The following ASAH1 variants were observed in gnomAD, a reference collection of about 807,000 sequenced individuals.
ASAH1 encodes acid ceramidase.
ASAH1 carries 70 observed loss-of-function variants against 59.5 expected under a neutral mutation model. The ratio of observed to expected loss-of-function variants is 1.18; its 90% CI spans 0.97 to 1.43. ASAH1 has a LOEUF of 1.43. Among genes scored for constraint, ASAH1 ranks in the 40% most tolerant of loss-of-function variants. The probability of loss-of-function intolerance (pLI) is 0.00; values close to 1 mark genes in which losing one functional copy is unlikely to be tolerated. For missense variants in ASAH1, 660 were observed against 482.5 expected, an observed-to-expected ratio of 1.37 and a Z score of -3.45; for synonymous variants, 213 against 166.5, an observed-to-expected ratio of 1.28 and a Z score of -2.15.
intron 2 of ASAH1, among the ~76,000 whole-genome samples, chr8:18,073,047 G>A (rs1024646914): frequency 6.6e-6 from 1 of 152,140 alleles, no homozygotes; most frequent in African/African-American, 2.4e-5. Flanking sequence ...CAATGAAGTG[G>A]GGATGATGAG....
chr8:18,069,477 G>GA (rs1459916405), intron 4 of ASAH1: 12 of 263,738 alleles, frequency 4.5e-5, no homozygotes, highest in Admixed American at 5.3e-5. Flanking sequence ...AGACACTTAA[G>GA]AAAAAAAACC....
Position 18,071,374 on chromosome 8 carries a change from G to T in ASAH1, c.142C>A (p.Pro48Thr), listed in dbSNP as rs779356185. ...AAGTCAAGATTTATGGTGTACCATG[G>T]AACTGCACCTCTGTACCTGTAATGA... ...PSGPTYRGAV[P>T]WYTINLDLPP... The change falls in exon 3 of 14, where the codon CCA becomes ACA. Residue 48 changes from proline (P) to threonine (T), a missense_variant. Pro to Thr is a conservative substitution (Grantham distance 38). Transcript: ENST00000637790. 6.3e-7 allele frequency: 1 copy of T among 1,596,522 alleles called. No homozygotes were observed. Among genetic ancestry groups the T allele is most frequent in the South Asian group, 1.1e-5 (1 of 89,054 alleles).
chr8:18,078,211 A>G (rs1005564206), intron 1 of ASAH1, among the ~76,000 whole-genome samples: 1 of 152,192 alleles, frequency 6.6e-6, no homozygotes, highest in Non-Finnish European at 1.5e-5. Flanking sequence ...CTGGGTTCCA[A>G]AGCCAAAATA....
Position 18,061,389 on chromosome 8 carries a change from T to A in ASAH1, c.773A>T (p.Glu258Val). The stretch of plus-strand genomic sequence containing the variant: ...CGAAACACTTTACCTTGTGCTATTT[T>A]CCAGAACTGTTCTAGTGAGGAACCC... ...WIGFLTRTVL[E>V]NSTSYEEAKN... is the part of the protein sequence containing the mutation. The change falls in exon 10 of 14, where the codon GAA becomes GTA. Residue 258 changes from glutamate to valine, a missense_variant. Physicochemically the swap from Glu to Val is moderately radical, Grantham distance 121. Coordinates refer to ENST00000637790, the MANE Select transcript of ASAH1 (RefSeq NM_177924.5). The A allele has an allele frequency of 6.2e-7, 1 of 1,611,594 alleles. No individual in the cohort carries two copies. The highest frequency in any genetic ancestry group is 1.7e-5 in the Admixed American group (1 of 60,024).
At chr8:18,059,275 A>G in intron 12 of ASAH1, 66 bp downstream of exon 12, 1 of 1,610,628 alleles carries the variant, frequency 6.2e-7, no homozygotes, top group South Asian at 1.1e-5. Flanking sequence ...GCCAAAGAAA[A>G]ATGCCAGAAC....
chr8:18,071,211 CAA>C, intron 3 of ASAH1, 87 bp downstream of exon 3: 8 of 697,404 alleles, frequency 1.1e-5, no homozygotes, highest in East Asian at 5.3e-5. Context: ...TGTCTCAAAA[CAA>C]AAAAAAAATC....
intron 1 of ASAH1, among the ~76,000 whole-genome samples, chr8:18,078,578 C>A (rs1800512375): frequency 6.6e-6 from 1 of 152,038 alleles, no homozygotes; most frequent in Non-Finnish European, 1.5e-5. Flanking sequence ...CTTCCTCCCC[C>A]TCAAAAAAGA....
intron 6 of ASAH1, chr8:18,063,435 T>G: frequency 1.8e-6 from 1 of 569,200 alleles, no homozygotes; most frequent in South Asian, 2.0e-5. Flanking sequence ...TTCCACGTAG[T>G]TGGGATTACA....
intron 5 of ASAH1, chr8:18,064,745 G>A (rs932099319): frequency 1.4e-4 from 73 of 535,608 alleles, no homozygotes; most frequent in South Asian, 2.3e-4. Flanking sequence ...GCCTTCGGGC[G>A]AGCTGAACAT....
At chr8:18,081,393 T>C (rs532247318) in intron 1 of ASAH1, among the ~76,000 whole-genome samples, 1 of 152,300 alleles carries the variant, frequency 6.6e-6, no homozygotes, top group South Asian at 2.1e-4. Context: ...AGACTCATCT[T>C]TTTAAAGTGA....
upstream of ASAH1, chr8:18,084,889 G>T: frequency 2.6e-6 from 4 of 1,549,866 alleles, no homozygotes; most frequent in South Asian, 1.2e-5. Flanking sequence ...CGAGTAGCTC[G>T]GCAGGGGGAC....
In ASAH1 at chr8:18,064,441, C is replaced by G; in HGVS notation, c.457+16G>C. On this transcript the variant is annotated intron_variant, in intron 6 of 13. Transcript: ENST00000637790. ...TAGTGCTTCATGCTGCCCACCCTCC[C>G]TCAGCGCACAATTACCTTTTTTGTC... 1 of 1,547,330 alleles carries G rather than the reference C, an allele frequency of 6.5e-7. No homozygotes were observed. The highest frequency in any genetic ancestry group is 8.9e-7 in the Non-Finnish European group (1 of 1,121,768).
intron 4 of ASAH1, chr8:18,069,550 T>G: frequency 2.3e-6 from 1 of 429,448 alleles, no homozygotes; most frequent in Admixed American, 4.0e-5. Flanking sequence ...AGATGAAATA[T>G]GGTTATTTGC....
intron 8 of ASAH1, chr8:18,062,036 T>C (rs1799725398): frequency 1.6e-6 from 1 of 625,606 alleles, no homozygotes; most frequent in South Asian, 2.0e-5. Context: ...AATCAGATTG[T>C]GACTCCCAGC....
chr8:18,083,420 G>A (rs1460785168), intron 1 of ASAH1: 1 of 156,524 alleles, frequency 6.4e-6, no homozygotes, highest in Non-Finnish European at 1.4e-5. Context: ...ACTTGCTCGT[G>A]GGAAAGAGCC....
intron 1 of ASAH1, among the ~76,000 whole-genome samples, chr8:18,081,266 AT>A (rs1800641189): frequency 6.6e-6 from 1 of 151,710 alleles, no homozygotes; most frequent in African/African-American, 2.4e-5. Flanking sequence ...CGCCCTCCTG[AT>A]TTTTTTCTAG....
Position 18,058,816 on chromosome 8 carries a change from C to T in ASAH1, c.1098+19G>A, listed in dbSNP as rs190476632. ...ATTCTTTCCCTAAAAGGCAAATATACATATAACATTTAAAATACCTTGTTG... is the reference window on the plus strand; with the variant it reads ...ATTCTTTCCCTAAAAGGCAAATATATATATAACATTTAAAATACCTTGTTG... On this transcript the variant is annotated intron_variant, in intron 13 of 13. Transcript: ENST00000637790. 6.3e-7 allele frequency: 1 copy of T among 1,595,302 alleles called. No homozygotes were observed. Among genetic ancestry groups the T allele is most frequent in the Admixed American group, 1.7e-5 (1 of 59,996 alleles).
chr8:18,061,659 C>T (rs1162029704), intron 9 of ASAH1, 27 bp downstream of exon 9: 2 of 1,578,464 alleles, frequency 1.3e-6, no homozygotes, highest in East Asian at 4.6e-5. Flanking sequence ...CTGAGATTCC[C>T]ATTTCACTTG....
At chr8:18,083,203 A>T (rs1390694796) in intron 1 of ASAH1, 4 of 152,256 alleles carry the variant, frequency 2.6e-5, no homozygotes, top group Non-Finnish European at 5.9e-5. Flanking sequence ...TGGCAAAGAC[A>T]AACGCAGTCT....
Sources: allele counts gnomAD v4.1 joint callset (sites outside exome capture counted in the v4.1 genomes callset), GRCh38; gene constraint gnomAD v4.1.1; transcripts MANE v1.5; gene names NCBI Gene and HGNC (gene_info 2026-07-23, HGNC 2026-07-21).